UXS1: variants seen among roughly 807,000 people sequenced by gnomAD.
UXS1 encodes the protein UDP-glucuronic acid decarboxylase 1.
In UXS1, 33 loss-of-function variants were observed where a neutral mutation model predicts 62.6. The ratio of observed to expected loss-of-function variants is 0.53; its 90% CI spans 0.40 to 0.70. The LOEUF (loss-of-function observed/expected upper bound fraction) is 0.70, where lower values mean the gene tolerates loss of function less well. Among genes scored for constraint, UXS1 ranks in the 30% least tolerant of loss-of-function variants. The pLI, the probability that UXS1 is intolerant of heterozygous loss-of-function variation, is 0.00. For missense variants in UXS1, 434 were observed against 556.3 expected (o/e 0.78, Z 2.21); for synonymous variants, 213 against 206.8 (o/e 1.03, Z -0.26).
intron 1 of UXS1, among the ~76,000 whole-genome samples, chr2:106,184,243 A>T (rs1222897525): frequency 1.3e-5 from 2 of 152,210 alleles, no homozygotes; most frequent in Non-Finnish European, 2.9e-5. Flanking sequence ...CCCTGAATTA[A>T]TCCTCCCCAC....
chr2:106,144,389 A>C (rs1427116851), intron 6 of UXS1, among the ~76,000 whole-genome samples: 3 of 152,258 alleles, frequency 2.0e-5, no homozygotes, highest in Non-Finnish European at 4.4e-5. Flanking sequence ...AACAGAAGAA[A>C]CAGCAAGAAG....
rs535372072 is a variant in UXS1, at chr2:106,106,428, G to A, written c.880-1591C>T. On this transcript the variant is annotated intron_variant, in intron 10 of 14. Transcript: ENST00000283148. ...AAAGCCTTATTTATTTATTTAAAAA[G>A]CAGGTTCAAAGGCTATCTCTGTTTT... Among the ~76,000 whole-genome samples, 3 of 149,402 alleles carry A rather than the reference G, an allele frequency of 2.0e-5. No individual in the cohort carries two copies. The East Asian group carries it at 5.9e-4, about 29-fold the overall frequency.
At position 106,159,174 on chromosome 2, in the gene UXS1, G is replaced by A. The variant is rs193124411; in HGVS notation, c.231-1056C>T. The A allele has an allele frequency of 4.6e-5, 7 of 152,356 alleles. No homozygotes were observed. In the East Asian group the frequency reaches 1.4e-3, roughly 29 times the overall value. 9.4% of individuals were successfully genotyped at this position (152,356 alleles called of 1,614,324 possible). A position where few individuals can be genotyped will look rare whatever the true frequency, so the allele number is the denominator to read the frequency against. On this transcript the variant is annotated intron_variant, in intron 4 of 14. Coordinates refer to ENST00000283148, the MANE Select transcript of UXS1 (RefSeq NM_001253875.2). ...TGTTCTCAGTGCCTTGGTTTTCTCA[G>A]GGCAGTCGGCAAGAAGAGCCCACCG...
rs80237459 is a variant in UXS1, at chr2:106,181,973, A to G, written c.94+12175T>C. On this transcript the variant is annotated intron_variant, in intron 1 of 14. Transcript: ENST00000283148. ...AAAAGGCAAAGGAGAAATTTTTTTA[A>G]AAGATGGATTATGACTTCAGGGCTC... Among the ~76,000 whole-genome samples the G allele has an allele frequency of 2.3e-4, 35 of 152,354 alleles. 2 individuals are homozygous for G. The East Asian group carries it at 6.6e-3, about 29-fold the overall frequency.
intron 5 of UXS1, among the ~76,000 whole-genome samples, chr2:106,147,619 G>T (rs1308935718): frequency 6.6e-6 from 1 of 152,066 alleles, no homozygotes; most frequent in Non-Finnish European, 1.5e-5. Flanking sequence ...CTCTTAACCC[G>T]CCTATACCTG....
intron 1 of UXS1, among the ~76,000 whole-genome samples, chr2:106,180,624 C>A (rs552248071): frequency 6.6e-6 from 1 of 152,336 alleles, no homozygotes; most frequent in South Asian, 2.1e-4. Context: ...ACGTTGCACT[C>A]ACACATTTCA....
intron 14 of UXS1, 77 bp downstream of exon 14, chr2:106,096,641 G>T (rs1287478895): frequency 3.0e-6 from 4 of 1,354,244 alleles, no homozygotes; most frequent in Non-Finnish European, 4.0e-6. Flanking sequence ...TCTGACAAGG[G>T]TCAGTGCCTA....
intron 1 of UXS1, among the ~76,000 whole-genome samples, chr2:106,193,171 C>T (rs1278508364): frequency 6.6e-6 from 1 of 152,088 alleles, no homozygotes; most frequent in Non-Finnish European, 1.5e-5. Flanking sequence ...ACTGAAGTCA[C>T]TTCAGACAAG....
chr2:106,163,470 T>G (rs914710395), intron 4 of UXS1, among the ~76,000 whole-genome samples, 197 bp downstream of exon 4: 3 of 152,244 alleles, frequency 2.0e-5, no homozygotes, highest in African/African-American at 7.2e-5. Flanking sequence ...GTTCAGAGTT[T>G]GAAGAAGGAA....
chr2:106,139,374 G>A (rs745493586), intron 6 of UXS1, among the ~76,000 whole-genome samples: 5 of 152,212 alleles, frequency 3.3e-5, no homozygotes, highest in Non-Finnish European at 7.3e-5. Context: ...GTAATCTTAT[G>A]TTGGGAAGTG....
chr2:106,175,360 G>A (rs1243140766), intron 1 of UXS1, among the ~76,000 whole-genome samples: 3 of 152,216 alleles, frequency 2.0e-5, no homozygotes, highest in Non-Finnish European at 4.4e-5. Flanking sequence ...TTGAAAAACA[G>A]TTTCTCTGCC....
intron 6 of UXS1, among the ~76,000 whole-genome samples, chr2:106,137,647 T>C (rs902830449): frequency 2.7e-5 from 4 of 147,968 alleles, no homozygotes; most frequent in Non-Finnish European, 6.0e-5. Context: ...AAAAAAAAAA[T>C]AGCTAGGTGT....
chr2:106,110,285 G>A (rs571323018), intron 10 of UXS1, among the ~76,000 whole-genome samples: 1 of 152,282 alleles, frequency 6.6e-6, no homozygotes, highest in Admixed American at 6.5e-5. Context: ...TTTTGTCTCT[G>A]GCACAAAAGC....
chr2:106,181,887 G>T (rs116538812), intron 1 of UXS1, among the ~76,000 whole-genome samples: 3 of 152,068 alleles, frequency 2.0e-5, no homozygotes, highest in Non-Finnish European at 2.9e-5. Flanking sequence ...TCTGAAAGTA[G>T]GGCACTTTCT....
At chr2:106,131,544 C>T (rs1461356384) in intron 6 of UXS1, among the ~76,000 whole-genome samples, 3 of 4,516 alleles carry the variant, frequency 6.6e-4, no homozygotes. Flanking sequence ...TCTCCCAGCA[C>T]GCAGCTGGAG....
At chr2:106,143,179 TG>T (rs1681261318) in intron 6 of UXS1, among the ~76,000 whole-genome samples, 1 of 150,930 alleles carries the variant, frequency 6.6e-6, no homozygotes, top group Admixed American at 6.6e-5. Flanking sequence ...GAGGTCAAGG[TG>T]GGCGGATCAT....
In UXS1 at chr2:106,098,571, A is replaced by G. The variant is rs756604976; in HGVS notation, c.1042+145T>C. On this transcript the variant is annotated intron_variant, in intron 13 of 14. Coordinates refer to ENST00000283148, the MANE Select transcript of UXS1 (RefSeq NM_001253875.2). ...ATCTTTCTATTCCTTAAAAATTAGA[A>G]AACACTTAAGTATTCCTGATAAAAA... The G allele has an allele frequency of 4.5e-5, 31 of 688,662 alleles. No individual in the cohort carries two copies. The Admixed American group carries it at 6.3e-4, about 14-fold the overall frequency. The allele number at this position is 688,662 out of a possible 1,614,324, so 42.7% of individuals were successfully genotyped here. A position where few individuals can be genotyped will look rare whatever the true frequency, so the allele number is the denominator to read the frequency against.
At chr2:106,126,674 A>G (rs1213132554) in intron 7 of UXS1, among the ~76,000 whole-genome samples, 1 of 152,144 alleles carries the variant, frequency 6.6e-6, no homozygotes, top group Non-Finnish European at 1.5e-5. Flanking sequence ...ATTTTTTGAG[A>G]TATTTGTACA....
intron 1 of UXS1, among the ~76,000 whole-genome samples, chr2:106,174,284 T>C (rs1683740276): frequency 6.6e-6 from 1 of 152,190 alleles, no homozygotes; most frequent in African/African-American, 2.4e-5. Flanking sequence ...CAGCAGGCAA[T>C]GAACAGCTGT....
Sources: allele counts gnomAD v4.1 joint callset (sites outside exome capture counted in the v4.1 genomes callset), GRCh38; gene constraint gnomAD v4.1.1; transcripts MANE v1.5; gene names NCBI Gene and HGNC (gene_info 2026-07-23, HGNC 2026-07-21).